UNC80: variants seen among roughly 807,000 people sequenced by gnomAD.
UNC80 encodes protein unc-80 homolog.
Under a neutral mutation model 384.6 loss-of-function variants are expected in UNC80, and 164 were observed. The observed-to-expected ratio is 0.43, with a 90% CI of 0.38 to 0.49. The LOEUF (loss-of-function observed/expected upper bound fraction) is 0.49, where lower values mean the gene tolerates loss of function less well. Among genes scored for constraint, UNC80 ranks in the 20% least tolerant of loss-of-function variants. The probability of loss-of-function intolerance (pLI) is 0.00; values close to 1 mark genes in which losing one functional copy is unlikely to be tolerated. For missense variants in UNC80, 3,330 were observed against 4,143.0 expected (o/e 0.80, Z 5.39); for synonymous variants, 1,486 against 1,527.8 (o/e 0.97, Z 0.64).
At position 209,921,709 on chromosome 2, in the gene UNC80, C is replaced by T. The variant is rs1395609349; in HGVS notation, c.5530+23C>T. On this transcript the variant is annotated intron_variant, in intron 34 of 64. Transcript: ENST00000673920. ...AAGGTGCCCTCTGCACACAGGACTT[C>T]TTGGGGGGCTGAGTCTCAGGGAAAT... is the stretch of plus-strand genomic sequence containing the variant. 4 of 1,518,674 alleles carry T rather than the reference C, an allele frequency of 2.6e-6. No individual in the cohort carries two copies. The South Asian group carries it at 5.1e-5, about 19-fold the overall frequency. 94.1% of individuals were successfully genotyped at this position (1,518,674 alleles called of 1,614,324 possible).
At chr2:209,826,589 T>C (rs1015898879) in intron 14 of UNC80, among the ~76,000 whole-genome samples, 3 of 152,164 alleles carry the variant, frequency 2.0e-5, no homozygotes, top group African/African-American at 7.2e-5. Context: ...TTCTGAATAT[T>C]TGAGATCATG....
intron 21 of UNC80, among the ~76,000 whole-genome samples, 188 bp downstream of exon 21, chr2:209,842,634 A>T (rs895277570): frequency 6.6e-6 from 1 of 152,182 alleles, no homozygotes; most frequent in Non-Finnish European, 1.5e-5. Flanking sequence ...TGGAAGCCTT[A>T]CTGTGTTCCT....
In UNC80 at chr2:209,786,181, T is replaced by G; in HGVS notation, c.716T>G (p.Ile239Ser). Reference protein sequence around the residue: ...FTALVKPIRNIITAKRSSPIN... With the variant: ...FTALVKPIRNSITAKRSSPIN... The stretch of plus-strand genomic sequence containing the variant: ...GCACTGGTGAAGCCCATCAGGAACA[T>G]CATTACAGGTTTGTAACTTGGACAC... Residue 239 changes from isoleucine (I) to serine (S), a missense_variant, in exon 5 of 65, where the codon ATC becomes AGC. Physicochemically the swap from Ile to Ser is moderately radical, Grantham distance 142. This residue lies in a region of UNC80 where 937 missense variants were observed against 1,026.8 expected (regional missense o/e 0.91). Coordinates refer to ENST00000673920, the MANE Select transcript of UNC80 (RefSeq NM_001371986.1). The G allele has an allele frequency of 6.2e-7, 1 of 1,613,686 alleles. No individual in the cohort carries two copies. The highest frequency in any genetic ancestry group is 8.5e-7 in the Non-Finnish European group (1 of 1,179,742).
chr2:209,997,829 G>C lies in UNC80; in HGVS notation c.*2234G>C, dbSNP rs2093505630. ...CATTTAAGGTGCCCTTAAATGTGTT[G>C]AATGTAATGTGTTGAATGTTTATGT... On this transcript the variant is annotated 3_prime_UTR_variant, in exon 65 of 65. Coordinates refer to ENST00000673920, the MANE Select transcript of UNC80 (RefSeq NM_001371986.1). 2 of 152,098 alleles carry C rather than the reference G, an allele frequency of 1.3e-5. No homozygotes were observed. The highest frequency in any genetic ancestry group is 4.1e-4 in the South Asian group (2 of 4,832). The allele number at this position is 152,098 out of a possible 1,614,324, so 9.4% of individuals were successfully genotyped here. A position where few individuals can be genotyped will look rare whatever the true frequency, so the allele number is the denominator to read the frequency against.
intron 28 of UNC80, among the ~76,000 whole-genome samples, chr2:209,900,440 C>G (rs945078505): frequency 2.6e-5 from 4 of 152,092 alleles, no homozygotes; most frequent in African/African-American, 9.7e-5. Flanking sequence ...CACCATGAAC[C>G]ACACCCATAT....
intron 11 of UNC80, among the ~76,000 whole-genome samples, chr2:209,818,316 A>C (rs188199940): frequency 6.7e-6 from 1 of 150,272 alleles, no homozygotes; most frequent in South Asian, 2.1e-4. Context: ...GAGGAAAGTC[A>C]CTGCCTTCCA....
intron 21 of UNC80, 90 bp downstream of exon 21, chr2:209,842,536 A>G (rs1390686077): frequency 2.1e-6 from 2 of 952,310 alleles, no homozygotes; most frequent in Non-Finnish European, 3.2e-6. Flanking sequence ...TTCTATTTTC[A>G]TTGGTTTTTC....
rs758895481 is a variant in UNC80, at chr2:209,815,278, G to A, written c.1222G>A (p.Glu408Lys). Residue 408 changes from glutamate to lysine, a missense_variant, in exon 9 of 65, where the codon GAG becomes AAG. Transcript: ENST00000673920. ...KTQDLTMKCN[E>K]EEKSLSSEAF... ...TAAGGATCTCACCATGAAGTGTAACGAGGAGGAAAAATCTCTTAGCTCTGA... is the reference window on the plus strand; with the variant it reads ...TAAGGATCTCACCATGAAGTGTAACAAGGAGGAAAAATCTCTTAGCTCTGA... 52 of 1,551,604 alleles carry A rather than the reference G, an allele frequency of 3.4e-5. No homozygotes were observed. Among genetic ancestry groups the A allele is most frequent in the Non-Finnish European group, 4.4e-5 (50 of 1,146,970 alleles).
intron 33 of UNC80, among the ~76,000 whole-genome samples, chr2:209,919,243 A>C (rs1156529785): frequency 2.0e-5 from 3 of 152,228 alleles, no homozygotes; most frequent in Non-Finnish European, 4.4e-5. Flanking sequence ...CATCTTCAGA[A>C]TATGCCTTTT....
chr2:209,879,416 C>T (rs1451426331), intron 24 of UNC80, among the ~76,000 whole-genome samples: 1 of 152,070 alleles, frequency 6.6e-6, no homozygotes, highest in Non-Finnish European at 1.5e-5. Context: ...ATATGTTCTG[C>T]CTAGAATATT....
intron 22 of UNC80, among the ~76,000 whole-genome samples, chr2:209,865,807 G>T (rs1168886084): frequency 6.6e-6 from 1 of 152,106 alleles, no homozygotes; most frequent in Non-Finnish European, 1.5e-5. Context: ...AGTGTCTTTA[G>T]TGACAATCAA....
rs2079103336 is a variant in UNC80 at position 209,808,767 on chromosome 2, T to TTATGCGCTACTCAGCGACCTCGTTGCC, written c.939-4812_939-4811insATGCGCTACTCAGCGACCTCGTTGCCT. ...CTAGTGAGTGGGTCGCCTGCGCTAC[T>TTATGCGCTACTCAGCGACCTCGTTGCC]TCTGCGCTACTCAGCGACCTCGTTG... On this transcript the variant is annotated intron_variant, in intron 7 of 64. Coordinates refer to ENST00000673920, the MANE Select transcript of UNC80 (RefSeq NM_001371986.1). 8 of 59,244 alleles carry TTATGCGCTACTCAGCGACCTCGTTGCC rather than the reference T, an allele frequency of 1.4e-4. No individual in the cohort carries two copies. The Admixed American group carries it at 1.4e-3, about 11-fold the overall frequency. The allele number at this position is 59,244 out of a possible 1,614,324, so 3.7% of individuals were successfully genotyped here.
At chr2:209,921,773 A>AATT (rs1301729755) in intron 34 of UNC80, 87 bp downstream of exon 34, 47 of 1,315,292 alleles carry the variant, frequency 3.6e-5, no homozygotes, top group Non-Finnish European at 4.8e-5. Flanking sequence ...TTTATGTGAC[A>AATT]TGAGGTGATA....
intron 61 of UNC80, among the ~76,000 whole-genome samples, chr2:209,986,550 C>A (rs2093292911): frequency 1.3e-5 from 2 of 152,154 alleles, no homozygotes; most frequent in South Asian, 2.1e-4. Context: ...AGAGCCAAAG[C>A]TATTGATTTG....
At chr2:209,912,992 A>G (rs903018932) in intron 30 of UNC80, among the ~76,000 whole-genome samples, 1 of 152,204 alleles carries the variant, frequency 6.6e-6, no homozygotes, top group African/African-American at 2.4e-5. Context: ...GTCTGGGTTC[A>G]TATCCCATGT....
rs199703151 is a variant in UNC80 at position 209,938,708 on chromosome 2, C to G, written c.6466-764C>G. On this transcript the variant is annotated intron_variant, in intron 42 of 64. Coordinates refer to ENST00000673920, the MANE Select transcript of UNC80 (RefSeq NM_001371986.1). Reference sequence around the variant, plus strand: ...TCTCTCTCTCTCTCTCTCTCTCTCTCTCTGTGTGTGTGTGTGTGTGTGTGT... The same window carrying G: ...TCTCTCTCTCTCTCTCTCTCTCTCTGTCTGTGTGTGTGTGTGTGTGTGTGT... Among the ~76,000 whole-genome samples, 478 of 138,308 alleles carry G rather than the reference C, an allele frequency of 3.5e-3. 7 individuals carry two copies. The highest frequency in any genetic ancestry group is 0.013 in the African/African-American group (429 of 32,764). 90.7% of individuals were successfully genotyped at this position (138,308 alleles called of 152,430 possible).
Position 209,995,761 on chromosome 2 carries a change from A to T in UNC80, c.*166A>T, listed in dbSNP as rs1343135172. ...TTGCTGCCAATACACATGATGTTTCATAAACATCTTAAAAGTCAATGGCTA... is the reference window on the plus strand; with the variant it reads ...TTGCTGCCAATACACATGATGTTTCTTAAACATCTTAAAAGTCAATGGCTA... On this transcript the variant is annotated 3_prime_UTR_variant, in exon 65 of 65. Transcript: ENST00000673920. The T allele has an allele frequency of 1.3e-6, 1 of 759,676 alleles. No individual in the cohort carries two copies. Among genetic ancestry groups the T allele is most frequent in the Non-Finnish European group, 2.1e-6 (1 of 486,400 alleles). The allele number at this position is 759,676 out of a possible 1,614,324, so 47.1% of individuals were successfully genotyped here. A position where few individuals can be genotyped will look rare whatever the true frequency, so the allele number is the denominator to read the frequency against.
chr2:209,838,533 G>A (rs967594838), intron 18 of UNC80, among the ~76,000 whole-genome samples: 2 of 152,102 alleles, frequency 1.3e-5, no homozygotes, highest in African/African-American at 2.4e-5. Context: ...TGCATTTCCC[G>A]GGTGTGGTGT....
chr2:209,918,442 C>T (rs2089742955), intron 32 of UNC80, 90 bp from the exon 33 acceptor site: 2 of 1,388,694 alleles, frequency 1.4e-6, no homozygotes, highest in African/African-American at 2.9e-5. Flanking sequence ...ATGATTAACA[C>T]TTCCTGAGAC....
Sources: allele counts gnomAD v4.1 joint callset (sites outside exome capture counted in the v4.1 genomes callset), GRCh38; gene constraint gnomAD v4.1.1; regional missense constraint gnomAD v4.1.1; transcripts MANE v1.5; gene names NCBI Gene and HGNC (gene_info 2026-07-23, HGNC 2026-07-21).